The following WT1 variants were observed in gnomAD, a reference collection of about 807,000 sequenced individuals.
WT1 encodes Wilms tumor protein.
In WT1, 8 loss-of-function variants were observed where a neutral mutation model predicts 60.8. The observed-to-expected ratio is 0.13, with a 90% CI of 0.08 to 0.24. The LOEUF is 0.24. WT1 is among the 10% of genes least tolerant of loss of function. The pLI is 1.00. For synonymous variants in WT1, 312 were observed against 297.1 expected, an observed-to-expected ratio of 1.05 and a Z score of -0.52; for missense variants, 568 against 711.8, an observed-to-expected ratio of 0.80 and a Z score of 2.30.
At chr11:32,399,641 A>T (rs778265422) in intron 6 of WT1, among the ~76,000 whole-genome samples, 2 of 152,262 alleles carry the variant, frequency 1.3e-5, no homozygotes, top group South Asian at 4.1e-4. Context: ...TTCAAGCCCA[A>T]TTAGCTTAAA....
intron 5 of WT1, among the ~76,000 whole-genome samples, chr11:32,412,433 G>A (rs1029113163): frequency 2.0e-5 from 3 of 151,956 alleles, no homozygotes; most frequent in African/African-American, 4.8e-5. Context: ...CCCCCTACCC[G>A]AGTCCCCAGA....
chr11:32,434,607 C>A, intron 1 of WT1, 93 bp downstream of exon 1: 1 of 1,589,252 alleles, frequency 6.3e-7, no homozygotes, highest in Non-Finnish European at 8.6e-7. Flanking sequence ...GTAAGAGCTG[C>A]GGTCAAAAGG....
intron 1 of WT1, chr11:32,430,562 G>T (rs1474588965): frequency 6.2e-7 from 1 of 1,610,166 alleles, no homozygotes; most frequent in East Asian, 2.2e-5. Flanking sequence ...GAGTAGGCAG[G>T]GACCCAGGGC....
intron 1 of WT1, among the ~76,000 whole-genome samples, chr11:32,430,002 A>AAG: frequency 6.6e-6 from 1 of 151,328 alleles, no homozygotes; most frequent in African/African-American, 2.4e-5. Flanking sequence ...GAAAAAGAAA[A>AAG]AAAAAAAGCT....
chr11:32,391,824 A>T, intron 9 of WT1, 148 bp downstream of exon 9: 1 of 732,878 alleles, frequency 1.4e-6, no homozygotes, highest in Admixed American at 2.4e-5. Context: ...TTTATTATTT[A>T]AAGATAGCCA....
chr11:32,407,260 CA>C (rs1852343227), intron 5 of WT1, among the ~76,000 whole-genome samples: 1 of 150,536 alleles, frequency 6.6e-6, no homozygotes, highest in South Asian at 2.1e-4. Flanking sequence ...AACAAAAAAA[CA>C]AAAAACAAAA....
chr11:32,414,011 T>C (rs72909438), intron 5 of WT1, among the ~76,000 whole-genome samples: 6,863 of 152,278 alleles, frequency 0.045, 211 homozygotes, highest in Non-Finnish European at 0.073. Context: ...AGGAAACATG[T>C]ACAGCCCCTC....
rs886048243 is a variant in WT1 at position 32,435,495 on chromosome 11, C to T, written c.-135G>A. The T allele has an allele frequency of 1.2e-5, 16 of 1,375,098 alleles. No homozygotes were observed. Among genetic ancestry groups the T allele is most frequent in the Non-Finnish European group, 2.9e-6 (3 of 1,024,544 alleles). 85.2% of individuals were successfully genotyped at this position (1,375,098 alleles called of 1,614,324 possible). A position where few individuals can be genotyped will look rare whatever the true frequency, so the allele number is the denominator to read the frequency against. On this transcript the variant is annotated 5_prime_UTR_variant, in exon 1 of 10. Coordinates refer to ENST00000452863, the MANE Select transcript of WT1 (RefSeq NM_024426.6). Reference sequence around the variant, plus strand: ...GGACAGGCGGTCGGGTTGCGGAGAGCCCCCGGGTGTGGGCGCTGCCTTGAA... The same window carrying T: ...GGACAGGCGGTCGGGTTGCGGAGAGTCCCCGGGTGTGGGCGCTGCCTTGAA...
rs570651154 is a variant in WT1 at position 32,403,580 on chromosome 11, T to G, written c.1017-3536A>C. ...CCACTGAATGAATATTACTTTTTTT[T>G]TTTTTTTTTTTTGAGACAGAGTCTG... On this transcript the variant is annotated intron_variant, in intron 5 of 9. Coordinates refer to ENST00000452863, the MANE Select transcript of WT1 (RefSeq NM_024426.6). Among the ~76,000 whole-genome samples the G allele has an allele frequency of 1.7e-4, 26 of 150,172 alleles. No homozygotes were observed. In the South Asian group the frequency reaches 4.5e-3, roughly 26 times the overall value.
At position 32,414,768 on chromosome 11, in the gene WT1, G is replaced by A. The variant is rs999676081; in HGVS notation, c.1016+1722C>T. Among the ~76,000 whole-genome samples, 10 of 151,882 alleles carry A rather than the reference G, an allele frequency of 6.6e-5. No homozygotes were observed. In the East Asian group the frequency reaches 2.0e-3, roughly 30 times the overall value. ...GATGCCTGTAATCCCAGCTACTCAG[G>A]AGGCTGAGGCAGGAGAATCACTTGA... On this transcript the variant is annotated intron_variant, in intron 5 of 9. Coordinates refer to ENST00000452863, the MANE Select transcript of WT1 (RefSeq NM_024426.6).
intron 5 of WT1, among the ~76,000 whole-genome samples, chr11:32,409,105 T>C (rs1313604634): frequency 6.6e-6 from 1 of 152,200 alleles, no homozygotes; most frequent in African/African-American, 2.4e-5. Flanking sequence ...AATGAATAGA[T>C]ACTGGATTAT....
intron 2 of WT1, 95 bp from the exon 3 acceptor site, chr11:32,428,153 G>A (rs1216717591): frequency 1.7e-6 from 2 of 1,198,790 alleles, no homozygotes; most frequent in East Asian, 5.0e-5. Context: ...GAGATCCTGA[G>A]CCTGGGGCAC....
At position 32,428,638 on chromosome 11, in the gene WT1, G is replaced by A. The variant is rs761813691; in HGVS notation, c.662-19C>T. 35 of 1,610,368 alleles carry A rather than the reference G, an allele frequency of 2.2e-5. No homozygotes were observed. Among genetic ancestry groups the A allele is most frequent in the African/African-American group, 2.7e-5 (2 of 74,784 alleles). On this transcript the variant is annotated intron_variant, in intron 1 of 9. Coordinates refer to ENST00000452863, the MANE Select transcript of WT1 (RefSeq NM_024426.6). ...CTGTAACCTGCGGGAGCGGCGGAGA[G>A]AAGCACAGTGTCAGCGGTGCTCTCG...
At chr11:32,395,682 C>T (rs1011022322) in intron 7 of WT1, among the ~76,000 whole-genome samples, 15 of 151,964 alleles carry the variant, frequency 9.9e-5, no homozygotes, top group African/African-American at 3.6e-4. Context: ...GGCTGGTCTC[C>T]AACTCCTGAC....
chr11:32,421,213 C>T (rs976500271), intron 3 of WT1, among the ~76,000 whole-genome samples: 1 of 152,230 alleles, frequency 6.6e-6, no homozygotes. Flanking sequence ...ACCCAGCTCT[C>T]ATCATGGAAG....
chr11:32,391,904 A>T lies in WT1; in HGVS notation c.1447+68T>A, dbSNP rs893722068. On this transcript the variant is annotated intron_variant, in intron 9 of 9. Transcript: ENST00000452863. ...ACACTAGTCTTTTCCAATCCCTCTC[A>T]TCACAATTTCATTCCACAATAGTTT... The T allele has an allele frequency of 2.6e-6, 4 of 1,521,048 alleles. No individual in the cohort carries two copies. In the Admixed American group the frequency reaches 5.0e-5, roughly 19 times the overall value. The allele number at this position is 1,521,048 out of a possible 1,614,324, so 94.2% of individuals were successfully genotyped here.
rs570427926 is a variant in WT1, at chr11:32,429,552, C to T, written c.662-933G>A. On this transcript the variant is annotated intron_variant, in intron 1 of 9. Coordinates refer to ENST00000452863, the MANE Select transcript of WT1 (RefSeq NM_024426.6). Reference sequence around the variant, plus strand: ...ATTTTTGTTATTAAATTGCTTTAAACTTATACCCCACAAGCTTCTGGAAAG... The same window carrying T: ...ATTTTTGTTATTAAATTGCTTTAAATTTATACCCCACAAGCTTCTGGAAAG... Among the ~76,000 whole-genome samples, 34 of 146,346 alleles carry T rather than the reference C, an allele frequency of 2.3e-4. 1 individual carries two copies. Among genetic ancestry groups the T allele is most frequent in the African/African-American group, 8.6e-4 (34 of 39,746 alleles).
intron 1 of WT1, chr11:32,430,557 G>C (rs965403082): frequency 6.2e-7 from 1 of 1,610,838 alleles, no homozygotes; most frequent in Non-Finnish European, 8.5e-7. Flanking sequence ...CCCAGGAGTA[G>C]GCAGGGACCC....
At chr11:32,403,489 A>T (rs561772190) in intron 5 of WT1, among the ~76,000 whole-genome samples, 2 of 152,000 alleles carry the variant, frequency 1.3e-5, no homozygotes, top group African/African-American at 2.4e-5. Context: ...AAGATAGCCC[A>T]TTCCATTTTA....
Sources: gnomAD v4.1 joint callset for allele counts (sites outside exome capture counted in the v4.1 genomes callset) on GRCh38, gnomAD v4.1.1 for gene constraint, MANE v1.5 for transcripts, NCBI Gene and HGNC (gene_info 2026-07-23, HGNC 2026-07-21) for gene names.